The following CTNNA2 variants were observed in gnomAD, a reference collection of about 807,000 sequenced individuals.
CTNNA2 encodes the protein catenin alpha 2.
A neutral mutation model predicts 101.0 loss-of-function variants in CTNNA2; 42 were observed. That is an observed-to-expected ratio of 0.42 (90% CI 0.32 to 0.54). The LOEUF (loss-of-function observed/expected upper bound fraction) is 0.54, where lower values mean the gene tolerates loss of function less well. Ranked by LOEUF, CTNNA2 falls within the 20% of genes least tolerant of loss-of-function variation. The probability of loss-of-function intolerance (pLI) is 0.14; values close to 1 mark genes in which losing one functional copy is unlikely to be tolerated. For synonymous variants in CTNNA2, 450 were observed against 456.4 expected (o/e 0.99, Z 0.18); for missense variants, 871 against 1,223.1 (o/e 0.71, Z 4.29).
At chr2:80,448,433 T>G (rs1226909000) in intron 9 of CTNNA2, among the ~76,000 whole-genome samples, 1 of 152,228 alleles carries the variant, frequency 6.6e-6, no homozygotes, top group East Asian at 1.9e-4. Flanking sequence ...CAGTAGGATT[T>G]ACTTTGATTC....
chr2:80,623,048 T>TTAA (rs1553412442), intron 18 of CTNNA2, among the ~76,000 whole-genome samples: 18 of 121,598 alleles, frequency 1.5e-4, no homozygotes, highest in Non-Finnish European at 2.6e-4. Context: ...CGCTAGTTTC[T>TTAA]AAAAAAAAAA....
intron 7 of CTNNA2, among the ~76,000 whole-genome samples, chr2:80,213,667 G>A (rs1376252841): frequency 6.6e-6 from 1 of 152,212 alleles, no homozygotes; most frequent in Non-Finnish European, 1.5e-5. Context: ...GTGTGGTGTG[G>A]TGCTGAAAAG....
At chr2:79,500,612 G>T (rs1558682834) in intron 4 of CTNNA2, 1 of 152,194 alleles carries the variant, frequency 6.6e-6, no homozygotes, top group Non-Finnish European at 1.5e-5. Flanking sequence ...GAGAATAGGG[G>T]TATACAAAAT....
intron 9 of CTNNA2, among the ~76,000 whole-genome samples, chr2:80,433,120 C>A (rs1681695334): frequency 6.6e-6 from 1 of 152,122 alleles, no homozygotes; most frequent in Admixed American, 6.6e-5. Context: ...TCAAGTATCT[C>A]AAAAAGTCAA....
intron 7 of CTNNA2, among the ~76,000 whole-genome samples, chr2:80,320,316 T>C (rs1382461975): frequency 6.6e-6 from 1 of 152,244 alleles, no homozygotes; most frequent in Non-Finnish European, 1.5e-5. Flanking sequence ...TTGCCATTTC[T>C]CCTTCTATTT....
chr2:80,411,151 T>C (rs1679533032), intron 8 of CTNNA2, among the ~76,000 whole-genome samples: 1 of 152,222 alleles, frequency 6.6e-6, no homozygotes, highest in African/African-American at 2.4e-5. Context: ...ACACACTTTC[T>C]TTAGCATCTT....
chr2:80,417,045 A>G (rs1680104460), intron 8 of CTNNA2, among the ~76,000 whole-genome samples: 1 of 151,868 alleles, frequency 6.6e-6, no homozygotes, highest in African/African-American at 2.4e-5. Context: ...GAATTCAGTC[A>G]TTTTACTGGA....
At chr2:80,110,216 C>T (rs1361199311) in intron 7 of CTNNA2, among the ~76,000 whole-genome samples, 1 of 152,194 alleles carries the variant, frequency 6.6e-6, no homozygotes, top group African/African-American at 2.4e-5. Context: ...CTACAGGGCA[C>T]ACACCTTGAG....
intron 2 of CTNNA2, among the ~76,000 whole-genome samples, chr2:79,273,762 G>A (rs975500620): frequency 3.3e-5 from 5 of 151,070 alleles, no homozygotes; most frequent in Non-Finnish European, 4.4e-5. Flanking sequence ...GCCTCAAAGA[G>A]CATGTTTATG....
chr2:80,158,809 G>A (rs368463538), intron 7 of CTNNA2, among the ~76,000 whole-genome samples: 26 of 151,958 alleles, frequency 1.7e-4, no homozygotes, highest in African/African-American at 5.3e-4. Flanking sequence ...TACTTGAGAG[G>A]TTAAGGCAGG....
intron 1 of CTNNA2, among the ~76,000 whole-genome samples, chr2:79,594,125 G>A (rs1159294190): frequency 6.6e-6 from 1 of 151,996 alleles, no homozygotes; most frequent in Non-Finnish European, 1.5e-5. Context: ...CTGAACTCAA[G>A]TGATCCACCA....
chr2:80,214,803 C>T (rs182094037), intron 7 of CTNNA2, among the ~76,000 whole-genome samples: 55 of 152,244 alleles, frequency 3.6e-4, no homozygotes, highest in African/African-American at 1.2e-3. Flanking sequence ...GAATGTTGGC[C>T]TGCCTTGCTA....
At chr2:79,207,266 T>A (rs961423286) in intron 2 of CTNNA2, among the ~76,000 whole-genome samples, 9 of 152,262 alleles carry the variant, frequency 5.9e-5, no homozygotes, top group African/African-American at 2.2e-4. Flanking sequence ...TTTCTTTGAG[T>A]GTGACTATAG....
At chr2:79,324,260 C>A (rs1337730487) in intron 3 of CTNNA2, among the ~76,000 whole-genome samples, 5 of 152,174 alleles carry the variant, frequency 3.3e-5, no homozygotes, top group African/African-American at 1.2e-4. Flanking sequence ...GGCAGGGTAG[C>A]AGCTTGTTGG....
At chr2:80,386,480 T>C (rs1453044810) in intron 7 of CTNNA2, among the ~76,000 whole-genome samples, 1 of 152,190 alleles carries the variant, frequency 6.6e-6, no homozygotes, top group African/African-American at 2.4e-5. Flanking sequence ...GTGCTATTTG[T>C]ACTAAGGATA....
intron 7 of CTNNA2, among the ~76,000 whole-genome samples, chr2:80,383,597 A>G (rs1676713380): frequency 6.6e-6 from 1 of 152,186 alleles, no homozygotes; most frequent in South Asian, 2.1e-4. Context: ...AAGAATGGGT[A>G]CAACCTGGCT....
At position 80,436,659 on chromosome 2, in the gene CTNNA2, C is replaced by T. The variant is rs545468037; in HGVS notation, c.1290+17058C>T. Among the ~76,000 whole-genome samples, 5 of 152,172 alleles carry T rather than the reference C, an allele frequency of 3.3e-5. No individual in the cohort carries two copies. In the East Asian group the frequency reaches 9.7e-4, roughly 29 times the overall value. On this transcript the variant is annotated intron_variant, in intron 9 of 18. Coordinates refer to ENST00000402739, the MANE Select transcript of CTNNA2 (RefSeq NM_001282597.3). Reference sequence around the variant, plus strand: ...TCACAGTTCCAGAGGCTGGGAGGTCCAAGATCGAGGCACCAGCAGATTTAG... The same window carrying T: ...TCACAGTTCCAGAGGCTGGGAGGTCTAAGATCGAGGCACCAGCAGATTTAG...
chr2:79,663,596 A>G (rs1358667627), intron 2 of CTNNA2, among the ~76,000 whole-genome samples: 1 of 152,150 alleles, frequency 6.6e-6, no homozygotes, highest in East Asian at 1.9e-4. Context: ...GCTACCATGT[A>G]TCATTCTCCC....
intron 7 of CTNNA2, among the ~76,000 whole-genome samples, chr2:80,149,328 G>GT (rs2148924904): frequency 6.6e-6 from 1 of 152,208 alleles, no homozygotes; most frequent in African/African-American, 2.4e-5. Context: ...TAAAATACAT[G>GT]TTTTTGATCC....
Sources: gnomAD v4.1 joint callset for allele counts (sites outside exome capture counted in the v4.1 genomes callset) on GRCh38, gnomAD v4.1.1 for gene constraint, MANE v1.5 for transcripts, NCBI Gene and HGNC (gene_info 2026-07-23, HGNC 2026-07-21) for gene names.